The following OTOF variants were observed in gnomAD, a reference collection of about 807,000 sequenced individuals.
OTOF encodes fer-1-like family member 2.
OTOF carries 218 observed loss-of-function variants against 236.8 expected under a neutral mutation model. The ratio of observed to expected loss-of-function variants is 0.92; its 90% CI spans 0.82 to 1.03. The LOEUF (loss-of-function observed/expected upper bound fraction) is 1.03, where lower values mean the gene tolerates loss of function less well. Among genes scored for constraint, OTOF ranks in the 50% least tolerant of loss-of-function variants. The pLI, the probability that OTOF is intolerant of heterozygous loss-of-function variation, is 0.00. For synonymous variants in OTOF, 1,041 were observed against 1,072.5 expected (o/e 0.97, Z 0.57); for missense variants, 2,590 against 2,694.4 (o/e 0.96, Z 0.86).
In OTOF at chr2:26,460,127, C is replaced by A. The variant is rs757642790; in HGVS notation, c.5892G>T (p.Trp1964Cys). 6.3e-7 allele frequency: 1 copy of A among 1,596,848 alleles called. No homozygotes were observed. ...ARYFLWHTYRWLLLKLLLLLL... is the reference protein window; with the variant it reads ...ARYFLWHTYRCLLLKLLLLLL... ...GGAGCAGCAACAGTTTGAGGAGCAGCCAGCGATACGTGTGCCACAAGAAGT... is the reference window on the plus strand; with the variant it reads ...GGAGCAGCAACAGTTTGAGGAGCAGACAGCGATACGTGTGCCACAAGAAGT... The change falls in exon 46 of 47, where the codon TGG becomes TGT. Residue 1964 changes from tryptophan to cysteine, a missense_variant. Trp to Cys is a radical substitution (Grantham distance 215). Around this residue, in one of 2 missense-constraint regions of OTOF, gnomAD observed 1,211 missense variants for 1,352.8 expected, o/e 0.90. Transcript: ENST00000272371. The surrounding 1 kb of genome is among the most constrained non-coding windows in gnomAD (Gnocchi z 5.3).
At chr2:26,517,788 G>A (rs1666572339) in intron 4 of OTOF, among the ~76,000 whole-genome samples, 1 of 152,206 alleles carries the variant, frequency 6.6e-6, no homozygotes, top group African/African-American at 2.4e-5. Context: ...AGTGGGCTAG[G>A]AGATCCGTGA....
chr2:26,473,262 G>A lies in OTOF; in HGVS notation c.3603C>T (p.Pro1201=), dbSNP rs1410707036. Residue 1201 remains proline, a synonymous_variant, in exon 29 of 47, where the codon CCC becomes CCT. Coordinates refer to ENST00000272371, the MANE Select transcript of OTOF (RefSeq NM_194248.3). The surrounding 1 kb of genome is among the most constrained non-coding windows in gnomAD (Gnocchi z 7.2). ...GGCAGTCCACCACACGGATGTTCAA[G>A]GGCGGGTGCAGCAGCTCGTTCTCTG... ...DLPENELLHP[P]LNIRVVDCRA... 6.2e-7 allele frequency: 1 copy of A among 1,613,370 alleles called. No homozygotes were observed. Among genetic ancestry groups the A allele is most frequent in the South Asian group, 1.1e-5 (1 of 91,084 alleles).
At chr2:26,494,807 G>T in intron 9 of OTOF, 135 bp downstream of exon 9, 1 of 983,900 alleles carries the variant, frequency 1.0e-6, no homozygotes, top group Non-Finnish European at 1.6e-6. Flanking sequence ...CCTGGGGGTT[G>T]TAACAGGGTG....
At chr2:26,505,913 A>G (rs563849432) in intron 5 of OTOF, among the ~76,000 whole-genome samples, 4 of 152,362 alleles carry the variant, frequency 2.6e-5, no homozygotes, top group African/African-American at 9.6e-5. Context: ...GGCTCATTCA[A>G]AAAGAACCTG....
intron 1 of OTOF, among the ~76,000 whole-genome samples, chr2:26,538,915 G>A: frequency 6.6e-6 from 1 of 151,178 alleles, no homozygotes. Context: ...CTGGGTTCAA[G>A]CGATTCTCCT....
chr2:26,472,281 A>ACACCACACACATGCG, intron 30 of OTOF: 1 of 572,350 alleles, frequency 1.7e-6, no homozygotes, highest in East Asian at 3.1e-5. Context: ...GCACATATGC[A>ACACCACACACATGCG]CACCACACAC....
rs114260271 is a variant in OTOF, at chr2:26,481,015, G to A, written c.1580-6C>T. On this transcript the variant is annotated splice_region_variant and splice_polypyrimidine_tract_variant and intron_variant, in intron 14 of 46. Transcript: ENST00000272371. Reference sequence around the variant, plus strand: ...GCCCAGTGTGGGCAGGAAGCCTGTGGCAGTGGGAACAAAAATGAGGGGGCA... The same window carrying A: ...GCCCAGTGTGGGCAGGAAGCCTGTGACAGTGGGAACAAAAATGAGGGGGCA... The A allele has an allele frequency of 5.3e-4, 849 of 1,609,718 alleles. 5 individuals are homozygous for A. The African/African-American group carries it at 9.5e-3, about 18-fold the overall frequency.
chr2:26,528,324 G>A (rs1235057579), intron 2 of OTOF, among the ~76,000 whole-genome samples: 2 of 152,204 alleles, frequency 1.3e-5, no homozygotes, highest in Non-Finnish European at 2.9e-5. Context: ...GAATGTGGGT[G>A]TGAGCCTGGT....
At position 26,462,333 on chromosome 2, in the gene OTOF, TTG is replaced by T; in HGVS notation, c.5193-154_5193-153del. On this transcript the variant is annotated intron_variant, in intron 41 of 46. Coordinates refer to ENST00000272371, the MANE Select transcript of OTOF (RefSeq NM_194248.3). The surrounding 1 kb of genome is among the most constrained non-coding windows in gnomAD (Gnocchi z 4.7). ...CTGGGGCTGGAGGAGTGGTTTGGGG[TTG>T]GGGGAGCAGAGGCATGAGTGAGAAG... is the stretch of plus-strand genomic sequence containing the variant. 1.4e-6 allele frequency: 1 copy of T among 729,768 alleles called. No homozygotes were observed. Among genetic ancestry groups the T allele is most frequent in the Non-Finnish European group, 2.4e-6 (1 of 408,960 alleles). 45.2% of individuals were successfully genotyped at this position (729,768 alleles called of 1,614,324 possible).
Position 26,477,120 on chromosome 2 carries a change from C to T in OTOF, c.2523+52G>A. ...GATTGAGCCCCCTGATCCTGAGGGGCCCCAGAGAGCCAGCCCTGGATGAGG... is the reference window on the plus strand; with the variant it reads ...GATTGAGCCCCCTGATCCTGAGGGGTCCCAGAGAGCCAGCCCTGGATGAGG... On this transcript the variant is annotated intron_variant, in intron 21 of 46. Transcript: ENST00000272371. The surrounding 1 kb of genome is among the most constrained non-coding windows in gnomAD (Gnocchi z 4.7). 2.5e-6 allele frequency: 4 copies of T among 1,576,562 alleles called. No individual in the cohort carries two copies. Among genetic ancestry groups the T allele is most frequent in the Non-Finnish European group, 3.5e-6 (4 of 1,155,246 alleles).
At chr2:26,491,105 C>T (rs1044735330) in intron 9 of OTOF, among the ~76,000 whole-genome samples, 24 of 151,916 alleles carry the variant, frequency 1.6e-4, no homozygotes, top group African/African-American at 4.6e-4. Context: ...GAAGTTAGGC[C>T]GGGGAGATGG....
chr2:26,472,297 C>T (rs1305267953), intron 30 of OTOF: 6 of 605,044 alleles, frequency 9.9e-6, no homozygotes, highest in Non-Finnish European at 1.8e-5. Flanking sequence ...CACACATGCG[C>T]ACACACATGC....
intron 3 of OTOF, among the ~76,000 whole-genome samples, chr2:26,523,100 C>G (rs757743661): frequency 6.6e-6 from 1 of 152,220 alleles, no homozygotes. Flanking sequence ...CTGGGCCCTG[C>G]GAGGCCTCTC....
chr2:26,513,458 C>A (rs1449235286), intron 5 of OTOF, among the ~76,000 whole-genome samples: 3 of 152,238 alleles, frequency 2.0e-5, no homozygotes, highest in Middle Eastern at 6.8e-3. Context: ...CTGCCCGGGG[C>A]CTGTCTGGGC....
Position 26,477,907 on chromosome 2 carries a change from A to G in OTOF, c.2215-158T>C. 2.6e-6 allele frequency: 4 copies of G among 1,532,706 alleles called. No homozygotes were observed. Among genetic ancestry groups the G allele is most frequent in the East Asian group, 4.9e-5 (2 of 40,622 alleles). 94.9% of individuals were successfully genotyped at this position (1,532,706 alleles called of 1,614,324 possible). On this transcript the variant is annotated intron_variant, in intron 18 of 46. Coordinates refer to ENST00000272371, the MANE Select transcript of OTOF (RefSeq NM_194248.3). This position sits in a 1 kb window ranked among gnomAD's most constrained non-coding sequence, Gnocchi z 4.7. Reference sequence around the variant, plus strand: ...ATCGGTCATCATGAGGAAGTCATCAATTTCCCAGGTTCTGTTCTCAGAACC... The same window carrying G: ...ATCGGTCATCATGAGGAAGTCATCAGTTTCCCAGGTTCTGTTCTCAGAACC...
chr2:26,477,955 GGTTCTTCA>G lies in OTOF; in HGVS notation c.2215-214_2215-207del. The G allele has an allele frequency of 6.8e-7, 1 of 1,462,978 alleles. No individual in the cohort carries two copies. Among genetic ancestry groups the G allele is most frequent in the Non-Finnish European group, 9.0e-7 (1 of 1,110,242 alleles). The allele number at this position is 1,462,978 out of a possible 1,614,324, so 90.6% of individuals were successfully genotyped here. On this transcript the variant is annotated intron_variant, in intron 18 of 46. Transcript: ENST00000272371. This position sits in a 1 kb window ranked among gnomAD's most constrained non-coding sequence, Gnocchi z 4.7. Reference sequence around the variant, plus strand: ...ACCTGGAGATGTTGGTGTTCATGGGGGTTCTTCAGTTCCTGAAGGAAGAAGCCACCTCT... The same window carrying G: ...ACCTGGAGATGTTGGTGTTCATGGGGGTTCCTGAAGGAAGAAGCCACCTCT...
intron 2 of OTOF, among the ~76,000 whole-genome samples, chr2:26,528,983 G>A (rs1271969502): frequency 6.6e-6 from 1 of 152,244 alleles, no homozygotes; most frequent in Non-Finnish European, 1.5e-5. Flanking sequence ...GCCTGCCACT[G>A]TTGGCTGTGG....
At chr2:26,472,148 C>T (rs1329863108) in intron 30 of OTOF, among the ~76,000 whole-genome samples, 2 of 151,376 alleles carry the variant, frequency 1.3e-5, no homozygotes, top group East Asian at 1.9e-4. Flanking sequence ...ATGCACATAC[C>T]CCACATACAT....
At chr2:26,525,717 G>T (rs1232016583) in intron 3 of OTOF, among the ~76,000 whole-genome samples, 1 of 152,040 alleles carries the variant, frequency 6.6e-6, no homozygotes, top group African/African-American at 2.4e-5. Context: ...ATGGATGGAA[G>T]GAAGGATGAT....
Sources: gnomAD v4.1 joint callset for allele counts (sites outside exome capture counted in the v4.1 genomes callset) on GRCh38, gnomAD v4.1.1 for gene constraint, gnomAD v4.1.1 regional missense constraint, Gnocchi (gnomAD v3.1) non-coding constraint, MANE v1.5 for transcripts, NCBI Gene and HGNC (gene_info 2026-07-23, HGNC 2026-07-21) for gene names.